SLC35F1: variants seen among roughly 807,000 people sequenced by gnomAD.
The protein encoded by SLC35F1 is solute carrier family 35 member F1.
In SLC35F1, 14 loss-of-function variants were observed where a neutral mutation model predicts 48.7. The observed-to-expected ratio is 0.29, with a 90% CI of 0.19 to 0.45. The LOEUF is 0.45. Among genes scored for constraint, SLC35F1 ranks in the 20% least tolerant of loss-of-function variants. SLC35F1 has a pLI of 1.00. For missense variants in SLC35F1, 404 were observed against 500.0 expected (o/e 0.81, Z 1.83); for synonymous variants, 190 against 202.2 (o/e 0.94, Z 0.51).
chr6:118,053,413 G>A (rs182334385), intron 1 of SLC35F1, among the ~76,000 whole-genome samples: 3 of 151,588 alleles, frequency 2.0e-5, no homozygotes, highest in Admixed American at 6.6e-5. Context: ...AAATATCCGT[G>A]GAGGAAAAAA....
At chr6:118,041,329 A>G (rs1025692388) in intron 1 of SLC35F1, among the ~76,000 whole-genome samples, 1 of 152,156 alleles carries the variant, frequency 6.6e-6, no homozygotes, top group African/African-American at 2.4e-5. Flanking sequence ...ATCTTTGGTA[A>G]TGTTACTTCC....
In SLC35F1 at chr6:118,268,600, A is replaced by G. The variant is rs190573731; in HGVS notation, c.637+1446A>G. Among the ~76,000 whole-genome samples the G allele has an allele frequency of 6.8e-4, 60 of 87,878 alleles. 1 individual carries two copies. The East Asian group carries it at 0.02, about 29-fold the overall frequency. 57.7% of individuals were successfully genotyped at this position (87,878 alleles called of 152,430 possible). ...CATATATATGTATATATATATATAT[A>G]TTTTTTTTTTTTTTTTTTTTTTTTT... On this transcript the variant is annotated intron_variant, in intron 4 of 7. Transcript: ENST00000360388.
chr6:118,003,094 A>G (rs1777126473), intron 1 of SLC35F1, among the ~76,000 whole-genome samples: 1 of 152,234 alleles, frequency 6.6e-6, no homozygotes, highest in African/African-American at 2.4e-5. Flanking sequence ...TAATGAATGA[A>G]CTGACAATAA....
intron 1 of SLC35F1, among the ~76,000 whole-genome samples, chr6:117,914,041 A>G (rs2114795417): frequency 6.6e-6 from 1 of 152,064 alleles, no homozygotes; most frequent in Non-Finnish European, 1.5e-5. Flanking sequence ...ACAGAGTGAA[A>G]CTCCATCTCA....
At chr6:118,181,244 C>T (rs1329985354) in intron 2 of SLC35F1, among the ~76,000 whole-genome samples, 2 of 152,024 alleles carry the variant, frequency 1.3e-5, no homozygotes, top group African/African-American at 4.8e-5. Context: ...ATTAATTGTT[C>T]AAATCATAAT....
intron 1 of SLC35F1, among the ~76,000 whole-genome samples, chr6:118,144,925 TC>T (rs1209095007): frequency 2.0e-5 from 3 of 152,140 alleles, no homozygotes; most frequent in Non-Finnish European, 4.4e-5. Flanking sequence ...TTTATTCTCT[TC>T]CTTCCTTCTC....
intron 3 of SLC35F1, among the ~76,000 whole-genome samples, chr6:118,258,550 A>G (rs1775673769): frequency 6.6e-6 from 1 of 152,114 alleles, no homozygotes; most frequent in African/African-American, 2.4e-5. Context: ...ACTAAAAAAT[A>G]TGGCAGTAAA....
chr6:117,951,270 A>G (rs1776360219), intron 1 of SLC35F1, among the ~76,000 whole-genome samples: 1 of 152,234 alleles, frequency 6.6e-6, no homozygotes, highest in South Asian at 2.1e-4. Context: ...TTTTACAGGA[A>G]GAAAAACAAC....
chr6:118,096,280 A>G (rs1773175063), intron 1 of SLC35F1, among the ~76,000 whole-genome samples: 1 of 152,202 alleles, frequency 6.6e-6, no homozygotes, highest in Non-Finnish European at 1.5e-5. Flanking sequence ...CCTTGGTACA[A>G]CTTGGCCTGT....
chr6:118,092,676 A>C (rs1341581428), intron 1 of SLC35F1, among the ~76,000 whole-genome samples: 1 of 152,204 alleles, frequency 6.6e-6, no homozygotes, highest in African/African-American at 2.4e-5. Flanking sequence ...TCCCGAGGCC[A>C]TGAGAGCCCA....
chr6:118,015,434 C>T (rs1210092966), intron 1 of SLC35F1, among the ~76,000 whole-genome samples: 2 of 151,908 alleles, frequency 1.3e-5, no homozygotes, highest in Admixed American at 1.3e-4. Context: ...TTCTGCTCCT[C>T]TCCTTCCTTG....
At chr6:118,056,454 T>A (rs1246291788) in intron 1 of SLC35F1, among the ~76,000 whole-genome samples, 1 of 152,216 alleles carries the variant, frequency 6.6e-6, no homozygotes, top group Non-Finnish European at 1.5e-5. Context: ...CTTTTTGATA[T>A]TTTAGTTCAA....
chr6:118,308,542 T>C (rs1358139326), intron 7 of SLC35F1, among the ~76,000 whole-genome samples: 1 of 152,206 alleles, frequency 6.6e-6, no homozygotes, highest in East Asian at 1.9e-4. Context: ...CATGGTTGCA[T>C]TGATTTTGAA....
rs1775988164 is a variant in SLC35F1 at position 117,924,176 on chromosome 6, T to G, written c.173+16277T>G. ...ACACATAGGTACACATGCATATGTA[T>G]ATACACACATAGGTACACATGCATA... is the stretch of plus-strand genomic sequence containing the variant. On this transcript the variant is annotated intron_variant, in intron 1 of 7. Coordinates refer to ENST00000360388, the MANE Select transcript of SLC35F1 (RefSeq NM_001029858.4). 1.7e-5 allele frequency among the ~76,000 whole-genome samples: 2 copies of G among 118,420 alleles called. 1 individual carries two copies. Among genetic ancestry groups the G allele is most frequent in the African/African-American group, 6.9e-5 (2 of 29,040 alleles). The allele number at this position is 118,420 out of a possible 152,430, so 77.7% of individuals were successfully genotyped here.
At chr6:118,121,534 T>C (rs933775722) in intron 1 of SLC35F1, among the ~76,000 whole-genome samples, 3 of 152,304 alleles carry the variant, frequency 2.0e-5, no homozygotes, top group African/African-American at 7.2e-5. Context: ...ACTGTACAAA[T>C]ACCTCCTTAG....
chr6:118,092,056 T>C (rs564560003), intron 1 of SLC35F1, among the ~76,000 whole-genome samples: 1 of 152,298 alleles, frequency 6.6e-6, no homozygotes, highest in South Asian at 2.1e-4. Flanking sequence ...AGCCTGACGA[T>C]GCAGTAGAAA....
chr6:118,200,397 A>G lies in SLC35F1; in HGVS notation c.350-35112A>G, dbSNP rs1774859729. On this transcript the variant is annotated intron_variant, in intron 2 of 7. Transcript: ENST00000360388. ...AATACTAAGTGGAAACACCAGGAGT[A>G]AGGGAGGATTCTGGCTACACCAACT... Among the ~76,000 whole-genome samples the G allele has an allele frequency of 2.0e-5, 3 of 152,154 alleles. No individual in the cohort carries two copies. In the South Asian group the frequency reaches 6.2e-4, roughly 31 times the overall value.
intron 1 of SLC35F1, among the ~76,000 whole-genome samples, chr6:117,934,441 T>A (rs552439259): frequency 6.6e-6 from 1 of 152,300 alleles, no homozygotes; most frequent in South Asian, 2.1e-4. Context: ...ATTAAGGATA[T>A]ATTTTTAGAT....
chr6:118,015,234 C>G (rs957071141), intron 1 of SLC35F1, among the ~76,000 whole-genome samples: 1 of 152,108 alleles, frequency 6.6e-6, no homozygotes, highest in Non-Finnish European at 1.5e-5. Context: ...TTATCAGCAG[C>G]ATGAAGATGG....
Sources: allele counts gnomAD v4.1 joint callset (sites outside exome capture counted in the v4.1 genomes callset), GRCh38; gene constraint gnomAD v4.1.1; transcripts MANE v1.5; gene names NCBI Gene and HGNC (gene_info 2026-07-23, HGNC 2026-07-21).